STK24: variants seen among roughly 807,000 people sequenced by gnomAD.
The protein encoded by STK24 is serine/threonine-protein kinase 24.
A neutral mutation model predicts 55.6 loss-of-function variants in STK24; 21 were observed. The ratio of observed to expected loss-of-function variants is 0.38; its 90% confidence interval spans 0.27 to 0.54. The LOEUF (loss-of-function observed/expected upper bound fraction) is 0.54, where lower values mean the gene tolerates loss of function less well. STK24 is among the 20% of genes least tolerant of loss of function. The probability of loss-of-function intolerance (pLI) is 0.79; values close to 1 mark genes in which losing one functional copy is unlikely to be tolerated. For synonymous variants in STK24, 200 were observed against 215.2 expected (o/e 0.93, Z 0.62); for missense variants, 383 against 538.4 (o/e 0.71, Z 2.86).
intron 2 of STK24, among the ~76,000 whole-genome samples, chr13:98,484,287 A>T (rs1420879688): frequency 6.6e-6 from 1 of 152,180 alleles, no homozygotes; most frequent in Non-Finnish European, 1.5e-5. Flanking sequence ...GGCAAAGGAA[A>T]TCTAAATCGC....
chr13:98,558,561 C>T (rs2139446867), intron 1 of STK24, among the ~76,000 whole-genome samples: 1 of 152,338 alleles, frequency 6.6e-6, no homozygotes, highest in South Asian at 2.1e-4. Flanking sequence ...ACTCCTCCTC[C>T]TCCTCCAACT....
Position 98,576,681 on chromosome 13 carries a change from T to A in STK24, c.42+64A>T, listed in dbSNP as rs1555314486. ...TGAGCGTAGGGGGACGCCGTGTGGA[T>A]ACCGCCAAGTTGCTGCTTCCGCCCC... On this transcript the variant is annotated intron_variant, in intron 1 of 10. Transcript: ENST00000539966. 19 of 1,367,110 alleles carry A rather than the reference T, an allele frequency of 1.4e-5. No homozygotes were observed. The South Asian group carries it at 2.4e-4, about 17-fold the overall frequency. 84.7% of individuals were successfully genotyped at this position (1,367,110 alleles called of 1,614,324 possible). A position where few individuals can be genotyped will look rare whatever the true frequency, so the allele number is the denominator to read the frequency against.
At chr13:98,508,129 T>C (rs1895759010) in intron 2 of STK24, among the ~76,000 whole-genome samples, 1 of 151,806 alleles carries the variant, frequency 6.6e-6, no homozygotes, top group Non-Finnish European at 1.5e-5. Context: ...CTACTTCAAA[T>C]ACTAAAATAT....
intron 1 of STK24, among the ~76,000 whole-genome samples, chr13:98,524,673 T>A (rs568745547): frequency 6.6e-6 from 1 of 152,218 alleles, no homozygotes; most frequent in Non-Finnish European, 1.5e-5. Context: ...TGGTTTCTTA[T>A]ACAACAACAG....
At chr13:98,488,160 G>GACACACACACACACACAC (rs71213678) in intron 2 of STK24, among the ~76,000 whole-genome samples, 21 of 130,350 alleles carry the variant, frequency 1.6e-4, no homozygotes, top group East Asian at 4.6e-4. Flanking sequence ...AAGAGATGAA[G>GACACACACACACACACAC]ACACACACAC....
chr13:98,558,741 A>T (rs1202677303), intron 1 of STK24, among the ~76,000 whole-genome samples: 1 of 152,232 alleles, frequency 6.6e-6, no homozygotes, highest in African/African-American at 2.4e-5. Flanking sequence ...CAACAAAGTT[A>T]CAAGTGAAAT....
At chr13:98,572,290 C>T (rs1031513603) in intron 1 of STK24, among the ~76,000 whole-genome samples, 3 of 152,178 alleles carry the variant, frequency 2.0e-5, no homozygotes, top group Non-Finnish European at 2.9e-5. Flanking sequence ...GCACACTCCA[C>T]AGTTCAGCAA....
intron 1 of STK24, among the ~76,000 whole-genome samples, chr13:98,528,509 C>T (rs1896494439): frequency 6.6e-6 from 1 of 152,224 alleles, no homozygotes; most frequent in South Asian, 2.1e-4. Flanking sequence ...AAAGACAATT[C>T]CGAAGCTCTG....
At chr13:98,548,281 T>C (rs1897076746) in intron 1 of STK24, among the ~76,000 whole-genome samples, 1 of 152,342 alleles carries the variant, frequency 6.6e-6, no homozygotes, top group South Asian at 2.1e-4. Context: ...ACAAAGTTTT[T>C]TTTAAAACTG....
chr13:98,486,569 T>TC (rs1386632477), intron 2 of STK24, among the ~76,000 whole-genome samples: 3 of 152,208 alleles, frequency 2.0e-5, no homozygotes, highest in Non-Finnish European at 2.9e-5. Context: ...GCTGCAGGCC[T>TC]CCCCCATGCA....
At chr13:98,508,489 TTAAATGCAA>T (rs1449720160) in intron 2 of STK24, among the ~76,000 whole-genome samples, 2 of 152,188 alleles carry the variant, frequency 1.3e-5, no homozygotes, top group Non-Finnish European at 2.9e-5. Flanking sequence ...GAATGCCAAT[TTAAATGCAA>T]CTTACACCAC....
intron 1 of STK24, among the ~76,000 whole-genome samples, chr13:98,550,618 G>A (rs1897134686): frequency 6.6e-6 from 1 of 152,170 alleles, no homozygotes; most frequent in African/African-American, 2.4e-5. Flanking sequence ...TATCACTCAA[G>A]TCCAGTTGTC....
At chr13:98,535,208 G>A (rs535378272) in intron 1 of STK24, among the ~76,000 whole-genome samples, 19 of 152,184 alleles carry the variant, frequency 1.2e-4, no homozygotes, top group African/African-American at 4.1e-4. Flanking sequence ...GTGGTGGCAC[G>A]TGTCTGTAAT....
chr13:98,552,622 CT>C (rs1897183831), intron 1 of STK24, among the ~76,000 whole-genome samples: 1 of 152,080 alleles, frequency 6.6e-6, no homozygotes, highest in African/African-American at 2.4e-5. Flanking sequence ...AGAATCTGAC[CT>C]TGTGGAGGTC....
chr13:98,503,696 T>G (rs1895577995), intron 2 of STK24, among the ~76,000 whole-genome samples: 1 of 152,240 alleles, frequency 6.6e-6, no homozygotes. Flanking sequence ...CAAGTGTGAC[T>G]GTGAGCTTAA....
intron 1 of STK24, among the ~76,000 whole-genome samples, chr13:98,535,309 C>G (rs1300921080): frequency 7.1e-6 from 1 of 140,198 alleles, no homozygotes; most frequent in Non-Finnish European, 1.6e-5. Context: ...TGCACTCCAG[C>G]CTGGGCAACA....
intron 2 of STK24, among the ~76,000 whole-genome samples, chr13:98,487,985 G>A (rs1237084320): frequency 6.6e-6 from 1 of 151,796 alleles, no homozygotes; most frequent in Non-Finnish European, 1.5e-5. Context: ...ATTATTTTTT[G>A]GTCATTTTTA....
intron 10 of STK24, 165 bp from the exon 11 acceptor site, chr13:98,453,374 A>G: frequency 3.0e-6 from 2 of 664,786 alleles, no homozygotes; most frequent in Non-Finnish European, 2.5e-6. Flanking sequence ...GAATGCATAT[A>G]AAGACTGAGA....
At chr13:98,530,836 A>C (rs985271673) in intron 1 of STK24, among the ~76,000 whole-genome samples, 3 of 152,222 alleles carry the variant, frequency 2.0e-5, no homozygotes, top group African/African-American at 7.2e-5. Context: ...GAACATGGGA[A>C]GCCATCTTTA....
Sources: allele counts gnomAD v4.1 joint callset (sites outside exome capture counted in the v4.1 genomes callset), GRCh38; gene constraint gnomAD v4.1.1; transcripts MANE v1.5; gene names NCBI Gene and HGNC (gene_info 2026-07-23, HGNC 2026-07-21).